RALYL: variants seen among roughly 807,000 people sequenced by gnomAD.
RALYL encodes RALY RNA binding protein like.
A neutral mutation model predicts 35.1 loss-of-function variants in RALYL; 29 were observed. The ratio of observed to expected loss-of-function variants is 0.83; its 90% CI spans 0.61 to 1.13. RALYL has a LOEUF of 1.13. Among genes scored for constraint, RALYL ranks in the 50% most tolerant of loss-of-function variants. The probability of loss-of-function intolerance (pLI) is 0.00; values close to 1 mark genes in which losing one functional copy is unlikely to be tolerated. For missense variants in RALYL, 359 were observed against 360.4 expected (o/e 1.00, Z 0.03); for synonymous variants, 120 against 127.6 (o/e 0.94, Z 0.40).
intron 7 of RALYL, among the ~76,000 whole-genome samples, chr8:84,884,396 G>A (rs10090786): frequency 0.017 from 2,516 of 152,034 alleles, 55 homozygotes; most frequent in African/African-American, 0.058. Flanking sequence ...AGCCAGATGA[G>A]GACTATGCAT....
chr8:84,221,690 TA>T (rs1300247091), intron 1 of RALYL, among the ~76,000 whole-genome samples: 1 of 152,142 alleles, frequency 6.6e-6, no homozygotes, highest in Non-Finnish European at 1.5e-5. Flanking sequence ...CCACGTGATA[TA>T]AATGTCTTCT....
At chr8:84,729,803 C>T (rs1418174918) in intron 2 of RALYL, among the ~76,000 whole-genome samples, 3 of 151,966 alleles carry the variant, frequency 2.0e-5, no homozygotes, top group Non-Finnish European at 4.4e-5. Context: ...ATAAATTCCT[C>T]GACATATACA....
chr8:84,458,371 C>G (rs2050377332), intron 1 of RALYL, among the ~76,000 whole-genome samples: 1 of 151,830 alleles, frequency 6.6e-6, no homozygotes, highest in Non-Finnish European at 1.5e-5. Context: ...CCAACCATGA[C>G]TCAAAATTAA....
chr8:84,479,534 CA>C (rs1418317235), intron 1 of RALYL, among the ~76,000 whole-genome samples: 1 of 152,056 alleles, frequency 6.6e-6, no homozygotes, highest in Non-Finnish European at 1.5e-5. Context: ...CAGTTATTTT[CA>C]AATCATTTTA....
At chr8:84,591,853 C>T (rs1813375282) in intron 2 of RALYL, among the ~76,000 whole-genome samples, 1 of 152,086 alleles carries the variant, frequency 6.6e-6, no homozygotes, top group Non-Finnish European at 1.5e-5. Flanking sequence ...TATAATTTAC[C>T]TTTAGTTAAA....
chr8:84,532,865 A>ATTTAC (rs1476801243), intron 2 of RALYL, among the ~76,000 whole-genome samples: 11 of 151,996 alleles, frequency 7.2e-5, no homozygotes, highest in Admixed American at 4.6e-4. Context: ...CCATAATTTA[A>ATTTAC]TTTACTTTCT....
At chr8:84,416,544 G>C (rs1194674795) in intron 1 of RALYL, among the ~76,000 whole-genome samples, 1 of 152,130 alleles carries the variant, frequency 6.6e-6, no homozygotes, top group Non-Finnish European at 1.5e-5. Flanking sequence ...ACTGGAAAGT[G>C]ACATTTTTAC....
intron 1 of RALYL, among the ~76,000 whole-genome samples, chr8:84,474,833 A>C (rs2053202707): frequency 6.6e-6 from 1 of 152,138 alleles, no homozygotes; most frequent in Non-Finnish European, 1.5e-5. Context: ...CGAAAAAAGG[A>C]AATAGAAAAA....
chr8:84,686,319 G>C (rs1389056224), intron 2 of RALYL, among the ~76,000 whole-genome samples: 1 of 152,168 alleles, frequency 6.6e-6, no homozygotes, highest in Non-Finnish European at 1.5e-5. Context: ...AACATGCATA[G>C]AGGGGACCAA....
At chr8:84,602,937 G>C (rs1816286852) in intron 2 of RALYL, among the ~76,000 whole-genome samples, 1 of 152,018 alleles carries the variant, frequency 6.6e-6, no homozygotes, top group Non-Finnish European at 1.5e-5. Flanking sequence ...TCTCTGAAAA[G>C]GTAATATTTA....
At chr8:84,304,346 T>C (rs1485951700) in intron 1 of RALYL, among the ~76,000 whole-genome samples, 1 of 152,200 alleles carries the variant, frequency 6.6e-6, no homozygotes, top group Non-Finnish European at 1.5e-5. Context: ...CTCGATCTCC[T>C]GACCTCGTGA....
intron 1 of RALYL, among the ~76,000 whole-genome samples, chr8:84,507,047 A>G (rs1364388901): frequency 6.6e-6 from 1 of 152,062 alleles, no homozygotes; most frequent in East Asian, 1.9e-4. Context: ...AGAACTTACT[A>G]TAATCATTTT....
At chr8:84,370,424 T>C (rs1655663593) in intron 1 of RALYL, among the ~76,000 whole-genome samples, 1 of 149,666 alleles carries the variant, frequency 6.7e-6, no homozygotes, top group South Asian at 2.1e-4. Context: ...ATGGGAAATT[T>C]TACATACAAC....
intron 2 of RALYL, among the ~76,000 whole-genome samples, chr8:84,653,775 C>T (rs1209141012): frequency 1.3e-5 from 2 of 150,814 alleles, no homozygotes; most frequent in South Asian, 4.2e-4. Flanking sequence ...GACCTTCTAA[C>T]ATACCTCCAT....
At chr8:84,782,329 A>T (rs542731767) in intron 3 of RALYL, among the ~76,000 whole-genome samples, 3 of 152,276 alleles carry the variant, frequency 2.0e-5, no homozygotes, top group African/African-American at 7.2e-5. Flanking sequence ...CTAGAAGAAA[A>T]AGACAATGCT....
intron 1 of RALYL, among the ~76,000 whole-genome samples, chr8:84,430,149 A>G (rs1181250838): frequency 6.6e-6 from 1 of 152,112 alleles, no homozygotes; most frequent in East Asian, 1.9e-4. Flanking sequence ...TAGTTATATT[A>G]ATCATATATT....
intron 2 of RALYL, among the ~76,000 whole-genome samples, chr8:84,621,819 A>G (rs890883730): frequency 2.0e-5 from 3 of 152,194 alleles, no homozygotes; most frequent in Non-Finnish European, 4.4e-5. Flanking sequence ...CATGATTCTT[A>G]TGAATATGTA....
intron 2 of RALYL, among the ~76,000 whole-genome samples, chr8:84,595,117 A>G (rs961046353): frequency 6.6e-6 from 1 of 152,126 alleles, no homozygotes; most frequent in Non-Finnish European, 1.5e-5. Flanking sequence ...CACCCTTAGA[A>G]CATAATATAT....
At chr8:84,318,266 C>T (rs982832837) in intron 1 of RALYL, among the ~76,000 whole-genome samples, 15 of 152,204 alleles carry the variant, frequency 9.9e-5, no homozygotes, top group African/African-American at 2.2e-4. Context: ...CCAACTTGTC[C>T]TCCACCCAGT....
Sources: gnomAD v4.1 joint callset for allele counts (sites outside exome capture counted in the v4.1 genomes callset) on GRCh38, gnomAD v4.1.1 for gene constraint, MANE v1.5 for transcripts, NCBI Gene and HGNC (gene_info 2026-07-23, HGNC 2026-07-21) for gene names.